RIMKLB: variants seen among roughly 807,000 people sequenced by gnomAD.
RIMKLB encodes beta-citrylglutamate synthase B.
A neutral mutation model predicts 32.0 loss-of-function variants in RIMKLB; 7 were observed. The observed-to-expected ratio is 0.22, with a 90% CI of 0.12 to 0.41. The LOEUF is 0.41. Among genes scored for constraint, RIMKLB ranks in the 10% least tolerant of loss-of-function variants. RIMKLB has a pLI of 1.00. For missense variants in RIMKLB, 289 were observed against 498.7 expected (o/e 0.58, Z 4.00); for synonymous variants, 172 against 185.1 (o/e 0.93, Z 0.57).
upstream of RIMKLB, chr12:8,697,736 C>T (rs367751828): frequency 3.1e-4 from 74 of 239,396 alleles, 1 homozygote; most frequent in African/African-American, 1.6e-3. Context: ...CCAGCGATGG[C>T]TCGGGTGCGG....
chr12:8,741,934 G>GT (rs776691896), intron 2 of RIMKLB, among the ~76,000 whole-genome samples: 109 of 147,916 alleles, frequency 7.4e-4, no homozygotes, highest in East Asian at 3.1e-3. Context: ...TTTTTTTTTT[G>GT]TTTTTTTTGA....
upstream of RIMKLB, among the ~76,000 whole-genome samples, chr12:8,680,448 C>T (rs1429947717): frequency 1.3e-5 from 2 of 152,302 alleles, no homozygotes; most frequent in South Asian, 2.1e-4. Flanking sequence ...CGTGAGCCAC[C>T]GCGCCCAGCC....
chr12:8,670,905 A>G, the RIMKLB span, among the ~76,000 whole-genome samples: 1 of 152,286 alleles, frequency 6.6e-6, no homozygotes, highest in South Asian at 2.1e-4. Flanking sequence ...CTTCTGTCCA[A>G]CTGCAGGCCC....
rs915960980 is a variant in RIMKLB, at chr12:8,776,144, C to A, written c.*2360C>A. 1.0e-6 allele frequency: 1 copy of A among 984,882 alleles called. No individual in the cohort carries two copies. The highest frequency in any genetic ancestry group is 1.7e-5 in the African/African-American group (1 of 57,206). 61.0% of individuals were successfully genotyped at this position (984,882 alleles called of 1,614,324 possible). On this transcript the variant is annotated 3_prime_UTR_variant, in exon 6 of 6. Coordinates refer to ENST00000535829, the MANE Select transcript of RIMKLB (RefSeq NM_001297776.2). Reference sequence around the variant, plus strand: ...TGTTTGTGTTGGTGGGGTAAGGCATCAGGAAAAATGTAGTTAGTCTTTTCT... The same window carrying A: ...TGTTTGTGTTGGTGGGGTAAGGCATAAGGAAAAATGTAGTTAGTCTTTTCT...
At chr12:8,755,268 A>AT (rs747735639) in intron 5 of RIMKLB, among the ~76,000 whole-genome samples, 543 of 142,726 alleles carry the variant, frequency 3.8e-3, no homozygotes, top group Admixed American at 6.9e-3. Context: ...AATTTTTTAC[A>AT]TTTTTTTTTT....
chr12:8,682,593 A>T (rs1942440598), intron 1 of RIMKLB, among the ~76,000 whole-genome samples: 1 of 151,800 alleles, frequency 6.6e-6, no homozygotes. Flanking sequence ...TAACACGGTG[A>T]AACCCTGACT....
At chr12:8,713,418 T>C (rs766455605) in intron 1 of RIMKLB, among the ~76,000 whole-genome samples, 1 of 152,292 alleles carries the variant, frequency 6.6e-6, no homozygotes, top group African/African-American at 2.4e-5. Context: ...GATGGAAATA[T>C]ATTGATTGGC....
intron 5 of RIMKLB, among the ~76,000 whole-genome samples, chr12:8,758,888 A>C (rs1343368207): frequency 1.3e-5 from 2 of 152,170 alleles, no homozygotes; most frequent in African/African-American, 4.8e-5. Flanking sequence ...TATGAATACC[A>C]GTCTTTATTC....
upstream of RIMKLB, among the ~76,000 whole-genome samples, chr12:8,692,864 C>T (rs191751183): frequency 4.2e-4 from 64 of 152,296 alleles, no homozygotes; most frequent in Admixed American, 1.6e-3. Context: ...CTGCAGCTGC[C>T]GCTACCGTTC....
intron 1 of RIMKLB, among the ~76,000 whole-genome samples, chr12:8,709,883 T>C (rs917324793): frequency 4.7e-5 from 7 of 148,038 alleles, no homozygotes; most frequent in Non-Finnish European, 8.8e-5. Flanking sequence ...GTATATGTAC[T>C]ATCTGCAGTT....
Position 8,776,643 on chromosome 12 carries a change from A to G in RIMKLB, c.*2859A>G, listed in dbSNP as rs1444741533. 9.6e-6 allele frequency: 9 copies of G among 933,660 alleles called. No individual in the cohort carries two copies. The highest frequency in any genetic ancestry group is 1.0e-5 in the Non-Finnish European group (8 of 783,072). The allele number at this position is 933,660 out of a possible 1,614,324, so 57.8% of individuals were successfully genotyped here. A position where few individuals can be genotyped will look rare whatever the true frequency, so the allele number is the denominator to read the frequency against. ...ACTTTATATATCTAAACATACAAGT[A>G]TGAACTATTCTATTTAAAATTTTTA... is the stretch of plus-strand genomic sequence containing the variant. On this transcript the variant is annotated 3_prime_UTR_variant, in exon 6 of 6. Coordinates refer to ENST00000535829, the MANE Select transcript of RIMKLB (RefSeq NM_001297776.2).
At chr12:8,735,916 G>T (rs1162716925) in intron 2 of RIMKLB, among the ~76,000 whole-genome samples, 2 of 151,894 alleles carry the variant, frequency 1.3e-5, no homozygotes, top group Non-Finnish European at 1.5e-5. Flanking sequence ...TTTTAATAGA[G>T]ACAGGGTTTC....
chr12:8,741,717 T>C (rs372445834), intron 2 of RIMKLB, among the ~76,000 whole-genome samples: 1 of 151,154 alleles, frequency 6.6e-6, no homozygotes, highest in East Asian at 2.0e-4. Context: ...GAGGCAGAGC[T>C]TGCAGTGAGC....
intron 2 of RIMKLB, among the ~76,000 whole-genome samples, chr12:8,718,666 T>G (rs1945121032): frequency 1.0e-5 from 1 of 95,896 alleles, no homozygotes; most frequent in Non-Finnish European, 2.3e-5. Flanking sequence ...TATATATATA[T>G]ATATGTGTGT....
Position 8,774,468 on chromosome 12 carries a change from C to A in RIMKLB, c.*684C>A, listed in dbSNP as rs1001319493. 1.0e-6 allele frequency: 1 copy of A among 984,440 alleles called. No individual in the cohort carries two copies. Among genetic ancestry groups the A allele is most frequent in the Non-Finnish European group, 1.2e-6 (1 of 828,952 alleles). The allele number at this position is 984,440 out of a possible 1,614,324, so 61.0% of individuals were successfully genotyped here. A position where few individuals can be genotyped will look rare whatever the true frequency, so the allele number is the denominator to read the frequency against. On this transcript the variant is annotated 3_prime_UTR_variant, in exon 6 of 6. Transcript: ENST00000535829. ...TTGCAATGTCCGGTATACAAAATAA[C>A]ATTAATTCAATGTAGATAAAATTAC... is the stretch of plus-strand genomic sequence containing the variant.
intron 2 of RIMKLB, among the ~76,000 whole-genome samples, chr12:8,730,800 C>T (rs375642319): frequency 2.0e-5 from 3 of 152,112 alleles, no homozygotes; most frequent in African/African-American, 4.8e-5. Flanking sequence ...AGTGCAGTGG[C>T]GTGGTCTCGG....
intron 2 of RIMKLB, among the ~76,000 whole-genome samples, chr12:8,735,811 A>G (rs1591806600): frequency 1.3e-5 from 2 of 151,520 alleles, no homozygotes; most frequent in South Asian, 4.2e-4. Flanking sequence ...GCTCACTGCA[A>G]CCCCTGCCTC....
At chr12:8,762,485 C>T (rs1373796834) in intron 5 of RIMKLB, among the ~76,000 whole-genome samples, 1 of 151,974 alleles carries the variant, frequency 6.6e-6, no homozygotes, top group African/African-American at 2.4e-5. Context: ...ACTTCCCTTT[C>T]CTTTTCTTTC....
intron 1 of RIMKLB, 102 bp from the exon 2 acceptor site, chr12:8,713,709 T>A (rs1246627308): frequency 1.4e-6 from 1 of 734,332 alleles, no homozygotes; most frequent in African/African-American, 1.8e-5. Context: ...TTTTTTCCTG[T>A]TTATATAATT....
Sources: gnomAD v4.1 joint callset for allele counts (sites outside exome capture counted in the v4.1 genomes callset) on GRCh38, gnomAD v4.1.1 for gene constraint, MANE v1.5 for transcripts, NCBI Gene and HGNC (gene_info 2026-07-23, HGNC 2026-07-21) for gene names.